CARD10: variants seen among roughly 807,000 people sequenced by gnomAD.
CARD10 encodes caspase recruitment domain-containing protein 10.
CARD10 carries 49 observed loss-of-function variants against 114.6 expected under a neutral mutation model. The ratio of observed to expected loss-of-function variants is 0.43; its 90% CI spans 0.34 to 0.54. CARD10 has a LOEUF of 0.54. CARD10 is among the 20% of genes least tolerant of loss of function. The probability of loss-of-function intolerance (pLI) is 0.03; values close to 1 mark genes in which losing one functional copy is unlikely to be tolerated. For synonymous variants in CARD10, 602 were observed against 593.2 expected (o/e 1.01, Z -0.21); for missense variants, 1,206 against 1,397.2 (o/e 0.86, Z 2.18).
chr22:37,497,202 G>T lies in CARD10; in HGVS notation c.1788-24C>A, dbSNP rs1361872437. 3 of 1,599,036 alleles carry T rather than the reference G, an allele frequency of 1.9e-6. No homozygotes were observed. The African/African-American group carries it at 4.0e-5, about 22-fold the overall frequency. The stretch of plus-strand genomic sequence containing the variant: ...ACCTGAGAAGGGAGAAAGGAGATGA[G>T]AATTGGAGTCCAATCAGTACTTGGA... On this transcript the variant is annotated intron_variant, in intron 11 of 19. Transcript: ENST00000251973.
chr22:37,516,273 G>T lies in CARD10; in HGVS notation c.399C>A (p.Thr133=). The T allele has an allele frequency of 6.3e-7, 1 of 1,599,752 alleles. No homozygotes were observed. Among genetic ancestry groups the T allele is most frequent in the Non-Finnish European group, 8.5e-7 (1 of 1,173,244 alleles). The change falls in exon 3 of 20, where the codon ACC becomes ACA. Residue 133 remains threonine (T), a synonymous_variant. Transcript: ENST00000251973. ...GTCGCACCTCTGTCATCAAGAATTGGGTCAGGCCCTCAGGCCCCTCCTCAT... is the reference window on the plus strand; with the variant it reads ...GTCGCACCTCTGTCATCAAGAATTGTGTCAGGCCCTCAGGCCCCTCCTCAT... ...ILDEEGPEGL[T]QFLMTEVRRL... is the part of the protein sequence containing the mutation.
At chr22:37,503,133 G>A in intron 10 of CARD10, 52 bp downstream of exon 10, 4 of 1,589,666 alleles carry the variant, frequency 2.5e-6, no homozygotes, top group South Asian at 1.1e-5. Flanking sequence ...GGGCTGCAAA[G>A]CCACCTCCCC....
intron 7 of CARD10, among the ~76,000 whole-genome samples, 199 bp downstream of exon 7, chr22:37,505,993 C>T (rs978381129): frequency 6.6e-6 from 1 of 152,176 alleles, no homozygotes; most frequent in Non-Finnish European, 1.5e-5. Context: ...ACATGCCCCT[C>T]CGCCTGCTCA....
intron 4 of CARD10, chr22:37,508,962 C>G (rs1414630048): frequency 1.3e-6 from 2 of 1,542,620 alleles, no homozygotes; most frequent in Admixed American, 2.0e-5. Context: ...CAGGATTATT[C>G]CTAAACAAGC....
At chr22:37,495,672 G>A (rs962871597) in intron 14 of CARD10, 86 bp from the exon 15 acceptor site, 1 of 1,609,854 alleles carries the variant, frequency 6.2e-7, no homozygotes, top group Non-Finnish European at 8.5e-7. Flanking sequence ...CCAGAGGATG[G>A]TGAGGGAATG....
Position 37,519,288 on chromosome 22 carries a change from G to A in CARD10, c.-88C>T. The A allele has an allele frequency of 7.3e-7, 1 of 1,363,264 alleles. No homozygotes were observed. Among genetic ancestry groups the A allele is most frequent in the Non-Finnish European group, 9.4e-7 (1 of 1,061,466 alleles). 84.4% of individuals were successfully genotyped at this position (1,363,264 alleles called of 1,614,324 possible). ...TAGATGTGCGGCCAAGCACCCCCGG[G>A]GCGTCGTCCGCAGACCCGCCGTCGG... On this transcript the variant is annotated 5_prime_UTR_variant, in exon 1 of 20. Transcript: ENST00000251973. The surrounding 1 kb of genome is among the most constrained non-coding windows in gnomAD (Gnocchi z 4.1).
At position 37,506,255 on chromosome 22, in the gene CARD10, C is replaced by T. The variant is rs2145765751; in HGVS notation, c.1320G>A (p.Leu440=). The T allele has an allele frequency of 6.2e-7, 1 of 1,609,644 alleles. No homozygotes were observed. Among genetic ancestry groups the T allele is most frequent in the Non-Finnish European group, 8.5e-7 (1 of 1,177,962 alleles). Residue 440 remains leucine, a synonymous_variant, in exon 7 of 20, where the codon CTG becomes CTA. Transcript: ENST00000251973. ...RDELLTTLTS[L]EGTKALLEVQ... The stretch of plus-strand genomic sequence containing the variant: ...CCTCCAGCAGAGCCTTGGTGCCCTC[C>T]AGGCTGGTGAGCGTTGTCAGCAGCT...
chr22:37,512,724 C>T (rs1923705032), intron 3 of CARD10, among the ~76,000 whole-genome samples: 1 of 152,152 alleles, frequency 6.6e-6, no homozygotes, highest in Admixed American at 6.5e-5. Context: ...ACCAGGGCCT[C>T]CTGCCTGACC....
rs1923344521 is a variant in CARD10 at position 37,504,733 on chromosome 22, T to A, written c.1420A>T (p.Ser474Cys). 1.3e-6 allele frequency: 2 copies of A among 1,574,356 alleles called. No individual in the cohort carries two copies. The highest frequency in any genetic ancestry group is 1.7e-6 in the Non-Finnish European group (2 of 1,162,618). The change falls in exon 8 of 20, where the codon AGC becomes TGC. Residue 474 changes from serine (S) to cysteine (C), a missense_variant. By Grantham distance (112) the Ser-to-Cys change is moderately radical. Around this residue, in one of 2 missense-constraint regions of CARD10, gnomAD observed 1,068 missense variants for 1,179.1 expected, o/e 0.91. Transcript: ENST00000251973. ...AACTCGCTCAGGCTCCAAGTGCTGC[T>A]GAGGTTGGAGCACAGGGAATGGGAG... ...ASSHSLCSNL[S>C]STWSLSEFPS...
chr22:37,494,898 G>C (rs1412254120), intron 15 of CARD10, among the ~76,000 whole-genome samples: 2 of 152,184 alleles, frequency 1.3e-5, no homozygotes, highest in Non-Finnish European at 2.9e-5. Flanking sequence ...GTGCACAGCA[G>C]CGCTGGCCAC....
At chr22:37,513,994 C>T (rs1411243698) in intron 3 of CARD10, among the ~76,000 whole-genome samples, 2 of 151,734 alleles carry the variant, frequency 1.3e-5, no homozygotes, top group Admixed American at 1.3e-4. Context: ...ATCCCAGCTA[C>T]TCAGGAGGCT....
rs1569168366 is a variant in CARD10 at position 37,516,133 on chromosome 22, T to A, written c.539A>T (p.Gln180Leu). Residue 180 changes from glutamine (Q) to leucine (L), a missense_variant, in exon 3 of 20, where the codon CAG (glutamine) becomes CTG (leucine). Physicochemically the swap from Gln to Leu is moderately radical, Grantham distance 113. Around this residue, in one of 2 missense-constraint regions of CARD10, gnomAD observed 1,068 missense variants for 1,179.1 expected, o/e 0.91. Coordinates refer to ENST00000251973, the MANE Select transcript of CARD10 (RefSeq NM_014550.4). ...CAGCCGTTGACAGCGCTCCTGAGCC[T>A]GCTGCTGGTCCCGCAGCCGCTGCTC... Reference protein sequence around the residue: ...GLEQRLRDQQQAQERCQRLRE... With the variant: ...GLEQRLRDQQLAQERCQRLRE... 6.3e-7 allele frequency: 1 copy of A among 1,596,254 alleles called. No individual in the cohort carries two copies. Among genetic ancestry groups the A allele is most frequent in the Admixed American group, 1.7e-5 (1 of 57,766 alleles).
rs1923226691 is a variant in CARD10 at position 37,501,855 on chromosome 22, C to G, written c.1787+747G>C. Among the ~76,000 whole-genome samples, 1 of 152,192 alleles carries G rather than the reference C, an allele frequency of 6.6e-6. No homozygotes were observed. Among genetic ancestry groups the G allele is most frequent in the Non-Finnish European group, 1.5e-5 (1 of 68,034 alleles). On this transcript the variant is annotated intron_variant, in intron 11 of 19. Transcript: ENST00000251973. This position sits in a 1 kb window ranked among gnomAD's most constrained non-coding sequence, Gnocchi z 5.4. Reference sequence around the variant, plus strand: ...CCCACATTTCCCAGAGTGTACAAGCCAAAGTCCACACTTTCCCAGCCTGAC... The same window carrying G: ...CCCACATTTCCCAGAGTGTACAAGCGAAAGTCCACACTTTCCCAGCCTGAC...
intron 3 of CARD10, among the ~76,000 whole-genome samples, chr22:37,512,520 C>CACAT (rs1923698546): frequency 6.8e-6 from 1 of 146,726 alleles, no homozygotes; most frequent in South Asian, 2.2e-4. Context: ...CACACACACA[C>CACAT]GGGTCTGGAG....
rs1328191691 is a variant in CARD10 at position 37,519,336 on chromosome 22, G to A, written c.-136C>T. 1.5e-6 allele frequency: 2 copies of A among 1,333,472 alleles called. No homozygotes were observed. Among genetic ancestry groups the A allele is most frequent in the East Asian group, 3.1e-5 (1 of 32,436 alleles). The allele number at this position is 1,333,472 out of a possible 1,614,324, so 82.6% of individuals were successfully genotyped here. A position where few individuals can be genotyped will look rare whatever the true frequency, so the allele number is the denominator to read the frequency against. Reference sequence around the variant, plus strand: ...CGGGGGCGCGCCCCGAGCTCCCCGCGACTCACCCCGCACGCTACAGTCGCC... The same window carrying A: ...CGGGGGCGCGCCCCGAGCTCCCCGCAACTCACCCCGCACGCTACAGTCGCC... On this transcript the variant is annotated 5_prime_UTR_variant, in exon 1 of 20. Transcript: ENST00000251973. This position sits in a 1 kb window ranked among gnomAD's most constrained non-coding sequence, Gnocchi z 4.1.
At chr22:37,498,856 A>G (rs993622165) in intron 11 of CARD10, among the ~76,000 whole-genome samples, 1 of 132,138 alleles carries the variant, frequency 7.6e-6, no homozygotes, top group Non-Finnish European at 1.6e-5. Flanking sequence ...CCACATGCAT[A>G]ACACGAAGCT....
rs2145779641 is a variant in CARD10 at position 37,519,069 on chromosome 22, C to A, written c.132G>T (p.Pro44=). 6.3e-7 allele frequency: 1 copy of A among 1,590,740 alleles called. No individual in the cohort carries two copies. The highest frequency in any genetic ancestry group is 1.3e-5 in the African/African-American group (1 of 74,630). The change falls in exon 1 of 20, where the codon CCG becomes CCT. Residue 44 remains proline (P), a synonymous_variant. Coordinates refer to ENST00000251973, the MANE Select transcript of CARD10 (RefSeq NM_014550.4). The surrounding 1 kb of genome is among the most constrained non-coding windows in gnomAD (Gnocchi z 4.1). ...GGCGCAGATACGGCGTGAGCTTGGC[C>A]GGGTTCAGGGCGCGAGCCAGCCGAT... ...VRHRLARALN[P]AKLTPYLRQC... is the part of the protein sequence containing the mutation.
At chr22:37,504,075 G>A (rs1227129910) in intron 9 of CARD10, 111 bp downstream of exon 9, 2 of 804,052 alleles carry the variant, frequency 2.5e-6, no homozygotes, top group Non-Finnish European at 4.3e-6. Context: ...GGCAATAAAG[G>A]GAAGTGACTG....
intron 3 of CARD10, among the ~76,000 whole-genome samples, chr22:37,512,413 A>G (rs1923683393): frequency 6.8e-6 from 1 of 146,930 alleles, no homozygotes; most frequent in Non-Finnish European, 1.5e-5. Context: ...CTCTCTTGGA[A>G]AGTGACTTGC....
Sources: gnomAD v4.1 joint callset for allele counts (sites outside exome capture counted in the v4.1 genomes callset) on GRCh38, gnomAD v4.1.1 for gene constraint, gnomAD v4.1.1 regional missense constraint, Gnocchi (gnomAD v3.1) non-coding constraint, MANE v1.5 for transcripts, NCBI Gene and HGNC (gene_info 2026-07-23, HGNC 2026-07-21) for gene names.